The following ADI1 variants were observed in gnomAD, a reference collection of about 807,000 sequenced individuals.
The protein encoded by ADI1 is acireductone dioxygenase.
In ADI1, 21 loss-of-function variants were observed where a neutral mutation model predicts 18.7. The ratio of observed to expected loss-of-function variants is 1.13; its 90% CI spans 0.80 to 1.62. The LOEUF (loss-of-function observed/expected upper bound fraction) is 1.62, where lower values mean the gene tolerates loss of function less well. Among genes scored for constraint, ADI1 ranks in the 40% most tolerant of loss-of-function variants. The probability of loss-of-function intolerance (pLI) is 0.00; values close to 1 mark genes in which losing one functional copy is unlikely to be tolerated. For missense variants in ADI1, 245 were observed against 254.9 expected (o/e 0.96, Z 0.26); for synonymous variants, 90 against 100.1 (o/e 0.90, Z 0.60).
chr2:3,500,385 A>T (rs1666967556), intron 3 of ADI1, among the ~76,000 whole-genome samples: 1 of 59,030 alleles, frequency 1.7e-5, no homozygotes, highest in East Asian at 4.6e-4. Flanking sequence ...TCCAAAACTG[A>T]AATGTTTTTA....
chr2:3,510,384 C>G (rs1030903829), intron 2 of ADI1, among the ~76,000 whole-genome samples: 1 of 152,044 alleles, frequency 6.6e-6, no homozygotes, highest in African/African-American at 2.4e-5. Context: ...GTGACTTCAG[C>G]TTCCAACTAG....
At chr2:3,514,058 G>T in intron 1 of ADI1, 82 bp from the exon 2 acceptor site, 3 of 1,447,762 alleles carry the variant, frequency 2.1e-6, no homozygotes, top group African/African-American at 1.4e-5. Context: ...TCTCCAATAT[G>T]ATTTTATACT....
chr2:3,498,223 A>G lies in ADI1; in HGVS notation c.*740T>C, dbSNP rs967066121. On this transcript the variant is annotated 3_prime_UTR_variant, in exon 4 of 4. Coordinates refer to ENST00000327435, the MANE Select transcript of ADI1 (RefSeq NM_018269.4). ...GATATGACAAACTAGGCATAATCCT[A>G]TCTCGGAATTGTTGAGTAGAAAATT... The G allele has an allele frequency of 3.2e-4, 49 of 152,370 alleles. No homozygotes were observed. Among genetic ancestry groups the G allele is most frequent in the African/African-American group, 1.1e-3 (47 of 41,588 alleles). The allele number at this position is 152,370 out of a possible 1,614,324, so 9.4% of individuals were successfully genotyped here.
In ADI1 at chr2:3,500,905, TTG is replaced by T. The variant is rs1437542711; in HGVS notation, c.327_328del (p.Asp109GlufsTer54). 6.2e-7 allele frequency: 1 copy of T among 1,614,078 alleles called. No individual in the cohort carries two copies. Among genetic ancestry groups the T allele is most frequent in the African/African-American group, 1.3e-5 (1 of 74,928 alleles). Reference sequence around the variant, plus strand: ...GAAGATCCGGATCCACTGGTCCTCCTTGTCCCTCACATCGAAGTACCCACTGC... The same window carrying T: ...GAAGATCCGGATCCACTGGTCCTCCTTCCCTCACATCGAAGTACCCACTGC... On this transcript the variant is annotated frameshift_variant, in exon 3 of 4. Transcript: ENST00000327435. LOFTEE classifies it high-confidence loss of function.
chr2:3,515,788 G>A (rs1035366211), intron 1 of ADI1: 15 of 573,160 alleles, frequency 2.6e-5, no homozygotes, highest in Admixed American at 1.3e-4. Flanking sequence ...CACCCCTGGC[G>A]GCCCAGCTGT....
At chr2:3,514,766 T>C (rs2103212731) in intron 1 of ADI1, 7 of 1,542,998 alleles carry the variant, frequency 4.5e-6, no homozygotes, top group Non-Finnish European at 6.1e-6. Context: ...TAGCACACTT[T>C]ATGTTTTGCA....
rs1382259512 is a variant in ADI1 at position 3,513,965 on chromosome 2, G to C, written c.132C>G (p.Asp44Glu). The C allele has an allele frequency of 6.2e-7, 1 of 1,605,558 alleles. No individual in the cohort carries two copies. Among genetic ancestry groups the C allele is most frequent in the Non-Finnish European group, 8.5e-7 (1 of 1,177,904 alleles). Residue 44 changes from aspartate (D) to glutamate (E), a missense_variant, in exon 2 of 4, where the codon GAC (aspartate) becomes GAG (glutamate). Transcript: ENST00000327435. Reference protein sequence around the residue: ...LGVLYWKLDADKYENDPELEK... With the variant: ...LGVLYWKLDAEKYENDPELEK... ...CTAATTCTGGATCATTCTCATATTT[G>C]TCAGCATCCAGCTAAAAGAGTTAAC... is the stretch of plus-strand genomic sequence containing the variant.
intron 3 of ADI1, chr2:3,500,496 G>T: frequency 2.1e-6 from 1 of 485,856 alleles, no homozygotes; most frequent in Non-Finnish European, 3.7e-6. Context: ...AGCAAGGGCT[G>T]GGGCAGGGCC....
chr2:3,503,454 G>T lies in ADI1; in HGVS notation c.241-2461C>A, dbSNP rs551758792. The stretch of plus-strand genomic sequence containing the variant: ...GCATTCACACTCATGCACACATACG[G>T]ACGTACACTCACACGTGTGCATTCA... On this transcript the variant is annotated intron_variant, in intron 2 of 3. Transcript: ENST00000327435. Among the ~76,000 whole-genome samples the T allele has an allele frequency of 1.4e-3, 172 of 127,214 alleles. 14 individuals carry two copies. In the Middle Eastern group the frequency reaches 0.029, roughly 22 times the overall value. 83.5% of individuals were successfully genotyped at this position (127,214 alleles called of 152,430 possible).
rs766293280 is a variant in ADI1, at chr2:3,514,013, T to C, written c.121-37A>G. 1.9e-5 allele frequency: 29 copies of C among 1,565,844 alleles called. No individual in the cohort carries two copies. In the Middle Eastern group the frequency reaches 6.8e-4, roughly 37 times the overall value. The stretch of plus-strand genomic sequence containing the variant: ...AACCCACCAAAAACAAGAGCTCAGA[T>C]TAACAAGGAGATGTAGAAACATTCT... On this transcript the variant is annotated intron_variant, in intron 1 of 3. Coordinates refer to ENST00000327435, the MANE Select transcript of ADI1 (RefSeq NM_018269.4).
At chr2:3,499,747 G>C in intron 3 of ADI1, among the ~76,000 whole-genome samples, 1 of 152,040 alleles carries the variant, frequency 6.6e-6, no homozygotes. Context: ...CTGTAATCAG[G>C]GCTGAGGCTT....
chr2:3,504,301 C>G (rs1047190450), intron 2 of ADI1, among the ~76,000 whole-genome samples: 2 of 152,176 alleles, frequency 1.3e-5, no homozygotes, highest in Non-Finnish European at 2.9e-5. Flanking sequence ...TTTAGAAAAA[C>G]AAAGAATAAG....
rs1260167232 is a variant in ADI1 at position 3,513,990 on chromosome 2, C to G, written c.121-14G>C. ...GTCAGCATCCAGCTAAAAGAGTTAA[C>G]CCACCAAAAACAAGAGCTCAGATTA... On this transcript the variant is annotated splice_polypyrimidine_tract_variant and intron_variant, in intron 1 of 3. Coordinates refer to ENST00000327435, the MANE Select transcript of ADI1 (RefSeq NM_018269.4). 6.3e-7 allele frequency: 1 copy of G among 1,584,076 alleles called. No homozygotes were observed. The highest frequency in any genetic ancestry group is 1.7e-4 in the Middle Eastern group (1 of 5,890).
intron 2 of ADI1, among the ~76,000 whole-genome samples, chr2:3,513,201 AG>A (rs1667327183): frequency 6.6e-6 from 1 of 152,194 alleles, no homozygotes; most frequent in African/African-American, 2.4e-5. Context: ...AAAGGAGATG[AG>A]TATCAGATGA....
intron 1 of ADI1, 52 bp downstream of exon 1, chr2:3,519,316 C>T: frequency 7.4e-7 from 1 of 1,344,008 alleles, no homozygotes; most frequent in Non-Finnish European, 9.5e-7. Context: ...CTGTGCGCGG[C>T]GTTTGGGGGT....
intron 2 of ADI1, among the ~76,000 whole-genome samples, chr2:3,502,974 T>C (rs1667060868): frequency 6.6e-6 from 1 of 151,922 alleles, no homozygotes; most frequent in Non-Finnish European, 1.5e-5. Flanking sequence ...AAGATACAAA[T>C]ACTGATGAGG....
intron 2 of ADI1, among the ~76,000 whole-genome samples, chr2:3,502,673 C>T (rs1667051490): frequency 6.6e-6 from 1 of 152,154 alleles, no homozygotes; most frequent in African/African-American, 2.4e-5. Context: ...TGGCCTCGAA[C>T]TCTCGTCCTT....
rs1274659356 is a variant in ADI1, at chr2:3,519,476, G to A, written c.12C>T (p.Ala4=). MVQ[A]WYMDDAPGDP... ...CGCCCGGGGCGTCGTCCATATACCA[G>A]GCCTGCACCATGACGCGCAGTGCGG... The change falls in exon 1 of 4, where the codon GCC becomes GCT. Residue 4 remains alanine, a synonymous_variant. Coordinates refer to ENST00000327435, the MANE Select transcript of ADI1 (RefSeq NM_018269.4). 35 of 1,310,562 alleles carry A rather than the reference G, an allele frequency of 2.7e-5. No homozygotes were observed. The Admixed American group carries it at 9.1e-4, about 34-fold the overall frequency. The allele number at this position is 1,310,562 out of a possible 1,614,324, so 81.2% of individuals were successfully genotyped here.
At chr2:3,501,528 T>C (rs1359967660) in intron 2 of ADI1, among the ~76,000 whole-genome samples, 5 of 152,092 alleles carry the variant, frequency 3.3e-5, no homozygotes, top group Non-Finnish European at 7.4e-5. Context: ...TGTCTTCACA[T>C]TGACTTTTGT....
Sources: allele counts gnomAD v4.1 joint callset (sites outside exome capture counted in the v4.1 genomes callset), GRCh38; gene constraint gnomAD v4.1.1; transcripts MANE v1.5; gene names NCBI Gene and HGNC (gene_info 2026-07-23, HGNC 2026-07-21).